The following CCDC171 variants were observed in gnomAD, a reference collection of about 807,000 sequenced individuals.
The protein encoded by CCDC171 is coiled-coil domain-containing protein 171.
CCDC171 carries 177 observed loss-of-function variants against 168.2 expected under a neutral mutation model. The ratio of observed to expected loss-of-function variants is 1.05; its 90% CI spans 0.93 to 1.19. The LOEUF (loss-of-function observed/expected upper bound fraction) is 1.19, where lower values mean the gene tolerates loss of function less well. Among genes scored for constraint, CCDC171 ranks in the 50% most tolerant of loss-of-function variants. The pLI, the probability that CCDC171 is intolerant of heterozygous loss-of-function variation, is 0.00. For missense variants in CCDC171, 1,991 were observed against 1,539.0 expected, an observed-to-expected ratio of 1.29 and a Z score of -4.91; for synonymous variants, 687 against 540.8, an observed-to-expected ratio of 1.27 and a Z score of -3.75.
At chr9:15,897,384 A>G (rs1184201647) in intron 24 of CCDC171, among the ~76,000 whole-genome samples, 2 of 152,022 alleles carry the variant, frequency 1.3e-5, no homozygotes, top group Admixed American at 6.6e-5. Context: ...CTTCCAAATT[A>G]TGTATGTTTT....
intron 8 of CCDC171, 144 bp from the exon 9 acceptor site, chr9:15,666,019 T>C (rs1429222932): frequency 4.7e-6 from 3 of 643,398 alleles, no homozygotes; most frequent in African/African-American, 3.7e-5. Flanking sequence ...CTGTCTTTTA[T>C]TTATTTTTCT....
intron 1 of CCDC171, among the ~76,000 whole-genome samples, chr9:16,051,552 G>T (rs1176724848): frequency 5.3e-5 from 8 of 152,274 alleles, no homozygotes; most frequent in Admixed American, 4.6e-4. Context: ...CAGCTTTGAG[G>T]TACGACCCAT....
chr9:15,699,306 G>T (rs916053447), intron 11 of CCDC171, among the ~76,000 whole-genome samples: 1 of 152,136 alleles, frequency 6.6e-6, no homozygotes, highest in African/African-American at 2.4e-5. Flanking sequence ...TGAAGCTGCA[G>T]ACCTTCGCGG....
intron 11 of CCDC171, among the ~76,000 whole-genome samples, chr9:15,708,986 A>C (rs976068976): frequency 6.6e-6 from 1 of 152,140 alleles, no homozygotes; most frequent in Non-Finnish European, 1.5e-5. Flanking sequence ...AAAATTAAGG[A>C]AAACTAAATA....
At chr9:15,898,745 C>T (rs982633971) in intron 24 of CCDC171, among the ~76,000 whole-genome samples, 2 of 152,034 alleles carry the variant, frequency 1.3e-5, no homozygotes, top group African/African-American at 4.8e-5. Context: ...ACAAAAATAG[C>T]ACAGGGAGGT....
At chr9:15,652,822 T>A (rs1262061246) in intron 7 of CCDC171, among the ~76,000 whole-genome samples, 1 of 152,228 alleles carries the variant, frequency 6.6e-6, no homozygotes, top group Admixed American at 6.5e-5. Context: ...ATTGTCATGT[T>A]AACGTTTTGA....
chr9:15,778,151 G>C (rs1489605954), intron 19 of CCDC171, among the ~76,000 whole-genome samples: 3 of 149,704 alleles, frequency 2.0e-5, no homozygotes, highest in Admixed American at 6.7e-5. Flanking sequence ...CAAAAAATTA[G>C]CCCGGCGCGG....
Position 15,972,241 on chromosome 9 carries a change from T to G in CCDC171, c.*405T>G, listed in dbSNP as rs1325054915. The G allele has an allele frequency of 6.1e-6, 1 of 163,796 alleles. No homozygotes were observed. Among genetic ancestry groups the G allele is most frequent in the African/African-American group, 2.4e-5 (1 of 41,640 alleles). The allele number at this position is 163,796 out of a possible 1,614,324, so 10.1% of individuals were successfully genotyped here. A position where few individuals can be genotyped will look rare whatever the true frequency, so the allele number is the denominator to read the frequency against. On this transcript the variant is annotated 3_prime_UTR_variant, in exon 26 of 26. Coordinates refer to ENST00000380701, the MANE Select transcript of CCDC171 (RefSeq NM_173550.4). ...GCTATTTGAAATGTATGCCAATGAT[T>G]CCTGTCATTTCATGGCAGCCCGGCC...
At chr9:15,891,223 A>G (rs1445317072) in intron 24 of CCDC171, among the ~76,000 whole-genome samples, 1 of 152,158 alleles carries the variant, frequency 6.6e-6, no homozygotes, top group African/African-American at 2.4e-5. Context: ...AAATGTGTGG[A>G]TGTGTGGATG....
chr9:15,763,366 C>G (rs909951199), intron 18 of CCDC171, among the ~76,000 whole-genome samples: 2 of 152,156 alleles, frequency 1.3e-5, no homozygotes, highest in Non-Finnish European at 2.9e-5. Flanking sequence ...ACCTCAATAT[C>G]TAGTTCTTTT....
chr9:15,707,158 C>G (rs1434105119), intron 11 of CCDC171, among the ~76,000 whole-genome samples: 1 of 152,186 alleles, frequency 6.6e-6, no homozygotes, highest in Non-Finnish European at 1.5e-5. Context: ...GATTTTTTCT[C>G]TCTGGCTTCC....
chr9:15,697,885 C>T (rs183501149), intron 11 of CCDC171, among the ~76,000 whole-genome samples: 108 of 152,224 alleles, frequency 7.1e-4, no homozygotes, highest in African/African-American at 2.4e-3. Context: ...ATTTTACATA[C>T]TTTCATACAC....
intron 1 of CCDC171, among the ~76,000 whole-genome samples, chr9:15,554,967 C>T (rs1469098058): frequency 1.3e-5 from 2 of 152,136 alleles, no homozygotes; most frequent in South Asian, 2.1e-4. Context: ...TCTATTTTTT[C>T]ATCCACCCAT....
intron 7 of CCDC171, among the ~76,000 whole-genome samples, chr9:15,649,028 T>C (rs1021205065): frequency 1.3e-5 from 2 of 152,198 alleles, no homozygotes; most frequent in South Asian, 4.1e-4. Flanking sequence ...CAAAACAGCA[T>C]GGTACTGGTA....
chr9:16,068,966 C>T, the CCDC171 span, among the ~76,000 whole-genome samples: 1 of 152,222 alleles, frequency 6.6e-6, no homozygotes, highest in Non-Finnish European at 1.5e-5. Flanking sequence ...AAGTTAACAC[C>T]CTACAGCCTG....
intron 7 of CCDC171, among the ~76,000 whole-genome samples, chr9:15,625,748 C>T (rs1021948587): frequency 1.6e-4 from 25 of 152,224 alleles, no homozygotes; most frequent in African/African-American, 4.3e-4. Context: ...AGTCAGGTAG[C>T]GTGATGCCTC....
chr9:15,554,775 G>A (rs1309886398), intron 1 of CCDC171, among the ~76,000 whole-genome samples: 1 of 152,192 alleles, frequency 6.6e-6, no homozygotes. Context: ...GACTTAGCCA[G>A]ATGTGGATTT....
At chr9:15,571,585 T>C (rs745863343) in intron 2 of CCDC171, 39 bp from the exon 3 acceptor site, 5 of 1,452,256 alleles carry the variant, frequency 3.4e-6, no homozygotes, top group South Asian at 2.8e-5. Context: ...ATGTGCTTTA[T>C]GAGAAGCATA....
chr9:15,943,159 G>C (rs1827916149), intron 25 of CCDC171, among the ~76,000 whole-genome samples: 1 of 152,002 alleles, frequency 6.6e-6, no homozygotes, highest in East Asian at 1.9e-4. Context: ...ATTGTTAACA[G>C]CTTTGTCTTT....
Sources: gnomAD v4.1 joint callset for allele counts (sites outside exome capture counted in the v4.1 genomes callset) on GRCh38, gnomAD v4.1.1 for gene constraint, MANE v1.5 for transcripts, NCBI Gene and HGNC (gene_info 2026-07-23, HGNC 2026-07-21) for gene names.